The following HIVEP3 variants were observed in gnomAD, a reference collection of about 807,000 sequenced individuals.
HIVEP3 encodes the protein transcription factor HIVEP3.
In HIVEP3, 49 loss-of-function variants were observed where a neutral mutation model predicts 152.8. The observed-to-expected ratio is 0.32, with a 90% CI of 0.26 to 0.41. The LOEUF is 0.41. Among genes scored for constraint, HIVEP3 ranks in the 10% least tolerant of loss-of-function variants. The probability of loss-of-function intolerance (pLI) is 1.00; values close to 1 mark genes in which losing one functional copy is unlikely to be tolerated. For missense variants in HIVEP3, 2,790 were observed against 3,103.3 expected, an observed-to-expected ratio of 0.90 and a Z score of 2.40; for synonymous variants, 1,269 against 1,289.0, an observed-to-expected ratio of 0.98 and a Z score of 0.33.
chr1:41,946,633 GA>G (rs1306218431), intron 1 of HIVEP3, among the ~76,000 whole-genome samples: 1 of 152,078 alleles, frequency 6.6e-6, no homozygotes, highest in African/African-American at 2.4e-5. Context: ...CTGAACATAG[GA>G]AAAGGAACAC....
chr1:41,622,537 A>G (rs535894141), intron 3 of HIVEP3, among the ~76,000 whole-genome samples: 1 of 152,168 alleles, frequency 6.6e-6, no homozygotes, highest in East Asian at 1.9e-4. Flanking sequence ...GAACACAACC[A>G]CGCCCATTTT....
chr1:41,605,578 T>C (rs1644811812), intron 3 of HIVEP3, among the ~76,000 whole-genome samples: 1 of 151,282 alleles, frequency 6.6e-6, no homozygotes, highest in Admixed American at 6.6e-5. Flanking sequence ...TAAGGGGTGG[T>C]AGATGCCATG....
intron 1 of HIVEP3, among the ~76,000 whole-genome samples, chr1:42,011,867 T>C (rs1262441339): frequency 6.6e-6 from 1 of 152,226 alleles, no homozygotes; most frequent in Non-Finnish European, 1.5e-5. Flanking sequence ...TGCTACTCTC[T>C]AGTCTCTAAT....
intron 5 of HIVEP3, among the ~76,000 whole-genome samples, chr1:41,569,969 A>C (rs1644227725): frequency 6.6e-6 from 1 of 152,256 alleles, no homozygotes; most frequent in African/African-American, 2.4e-5. Flanking sequence ...GTTCTGCAGT[A>C]TGCGCTGTGC....
chr1:41,772,065 G>A (rs779444127), intron 1 of HIVEP3, among the ~76,000 whole-genome samples: 66 of 152,066 alleles, frequency 4.3e-4, no homozygotes, highest in African/African-American at 1.4e-3. Context: ...AGCTGCTGCC[G>A]CGAGTGATGC....
At chr1:41,565,455 CCCA>C (rs1644146415) in intron 5 of HIVEP3, among the ~76,000 whole-genome samples, 1 of 152,000 alleles carries the variant, frequency 6.6e-6, no homozygotes, top group Non-Finnish European at 1.5e-5. Context: ...ACTGCTGTTT[CCCA>C]CAACAAAATC....
At chr1:41,923,493 G>C (rs1034702450), upstream of HIVEP3, among the ~76,000 whole-genome samples, 2 of 152,034 alleles carry the variant, frequency 1.3e-5, no homozygotes, top group Non-Finnish European at 2.9e-5. Context: ...AGGAGGTGGC[G>C]GGGGGAAGGG....
At chr1:41,900,056 A>G (rs993191518) in intron 1 of HIVEP3, among the ~76,000 whole-genome samples, 2 of 151,442 alleles carry the variant, frequency 1.3e-5, no homozygotes, top group Non-Finnish European at 2.9e-5. Flanking sequence ...TTCTGAAGGG[A>G]AAAAAAAATA....
intron 1 of HIVEP3, among the ~76,000 whole-genome samples, chr1:41,764,603 G>T (rs1404061859): frequency 6.6e-6 from 1 of 152,224 alleles, no homozygotes; most frequent in Non-Finnish European, 1.5e-5. Flanking sequence ...CAAAAAAGAT[G>T]AATTCGCCAA....
chr1:41,618,377 GA>G (rs1644999725), intron 3 of HIVEP3, among the ~76,000 whole-genome samples: 2 of 152,352 alleles, frequency 1.3e-5, no homozygotes, highest in South Asian at 4.1e-4. Flanking sequence ...GCTGAAAATT[GA>G]GGGCCTCAGT....
At chr1:41,716,439 C>G (rs890387973) in intron 1 of HIVEP3, among the ~76,000 whole-genome samples, 1 of 152,218 alleles carries the variant, frequency 6.6e-6, no homozygotes, top group Non-Finnish European at 1.5e-5. Flanking sequence ...TTCCCACAGG[C>G]TGGGGGCACC....
chr1:41,869,018 G>C lies in HIVEP3; in HGVS notation c.-801+49395C>G, dbSNP rs545282776. On this transcript the variant is annotated intron_variant, in intron 1 of 8. Transcript: ENST00000372583. ...ATCAGAAGGCTTGTTCCCAGCAAAGGTGGGGTTCAAAGCAATGGTTTCTGT... is the reference window on the plus strand; with the variant it reads ...ATCAGAAGGCTTGTTCCCAGCAAAGCTGGGGTTCAAAGCAATGGTTTCTGT... Among the ~76,000 whole-genome samples, 4 of 152,276 alleles carry C rather than the reference G, an allele frequency of 2.6e-5. No homozygotes were observed. In the South Asian group the frequency reaches 6.2e-4, roughly 24 times the overall value.
intron 5 of HIVEP3, among the ~76,000 whole-genome samples, chr1:41,555,358 A>G (rs1643949608): frequency 6.6e-6 from 1 of 152,188 alleles, no homozygotes; most frequent in African/African-American, 2.4e-5. Context: ...GGAAAAGCAC[A>G]ATATTTGGGC....
rs372736136 is a variant in HIVEP3 at position 41,770,415 on chromosome 1, C to T, written c.-800-69420G>A. Reference sequence around the variant, plus strand: ...CAGCAGGTGGAGCTTCGTTCCCCTGCTTGAGCATGGGCCGGATGTATTGAC... The same window carrying T: ...CAGCAGGTGGAGCTTCGTTCCCCTGTTTGAGCATGGGCCGGATGTATTGAC... On this transcript the variant is annotated intron_variant, in intron 1 of 8. Coordinates refer to ENST00000372583, the MANE Select transcript of HIVEP3 (RefSeq NM_024503.5). Among the ~76,000 whole-genome samples the T allele has an allele frequency of 2.4e-4, 37 of 152,258 alleles. No individual in the cohort carries two copies. In the East Asian group the frequency reaches 5.0e-3, roughly 21 times the overall value.
chr1:41,695,808 G>A (rs1425696854), intron 2 of HIVEP3, among the ~76,000 whole-genome samples: 2 of 152,192 alleles, frequency 1.3e-5, no homozygotes, highest in African/African-American at 2.4e-5. Context: ...TTCTTTCTCA[G>A]GTGAAAATTA....
intron 1 of HIVEP3, among the ~76,000 whole-genome samples, chr1:41,912,010 T>C (rs959815669): frequency 3.9e-5 from 6 of 152,158 alleles, no homozygotes; most frequent in African/African-American, 1.4e-4. Context: ...GGACTAAACG[T>C]GAGCATTAAG....
At chr1:41,683,012 C>T (rs1007357229) in intron 2 of HIVEP3, among the ~76,000 whole-genome samples, 2 of 152,184 alleles carry the variant, frequency 1.3e-5, no homozygotes, top group African/African-American at 4.8e-5. Flanking sequence ...TGAGAGTTTA[C>T]AAGAGGACTA....
At chr1:42,001,877 T>C (rs1300251755) in intron 1 of HIVEP3, among the ~76,000 whole-genome samples, 1 of 149,422 alleles carries the variant, frequency 6.7e-6, no homozygotes, top group Non-Finnish European at 1.5e-5. Flanking sequence ...ACCCCAAACA[T>C]TCCCCATGAT....
At chr1:41,962,523 CCCTGGGACGTCACTA>C (rs1394563040) in intron 1 of HIVEP3, among the ~76,000 whole-genome samples, 1 of 152,192 alleles carries the variant, frequency 6.6e-6, no homozygotes, top group Non-Finnish European at 1.5e-5. Flanking sequence ...ACTAGGTACT[CCCTGGGACGTCACTA>C]GACATTGAGT....
Sources: allele counts gnomAD v4.1 joint callset (sites outside exome capture counted in the v4.1 genomes callset), GRCh38; gene constraint gnomAD v4.1.1; transcripts MANE v1.5; gene names NCBI Gene and HGNC (gene_info 2026-07-23, HGNC 2026-07-21).